TRIP12: variants seen among roughly 807,000 people sequenced by gnomAD.
The protein encoded by TRIP12 is thyroid hormone receptor interactor 12.
Under a neutral mutation model 244.2 loss-of-function variants are expected in TRIP12, and 25 were observed. The ratio of observed to expected loss-of-function variants is 0.10; its 90% CI spans 0.07 to 0.14. TRIP12 has a LOEUF of 0.14. TRIP12 is among the 10% of genes least tolerant of loss of function. The probability of loss-of-function intolerance (pLI) is 1.00; values close to 1 mark genes in which losing one functional copy is unlikely to be tolerated. For missense variants in TRIP12, 1,677 were observed against 2,486.4 expected (o/e 0.67, Z 6.92); for synonymous variants, 905 against 873.1 (o/e 1.04, Z -0.64).
At chr2:229,841,748 C>A (rs1214360830) in intron 4 of TRIP12, among the ~76,000 whole-genome samples, 3 of 152,134 alleles carry the variant, frequency 2.0e-5, no homozygotes, top group Non-Finnish European at 4.4e-5. Flanking sequence ...CAGCTGTTAA[C>A]TTTTTCAGAG....
chr2:229,825,840 A>T (rs756393464), intron 8 of TRIP12, among the ~76,000 whole-genome samples: 1 of 152,226 alleles, frequency 6.6e-6, no homozygotes, highest in Non-Finnish European at 1.5e-5. Flanking sequence ...ATCAAAAATT[A>T]CTAAGGTTAT....
At chr2:229,783,284 T>C (rs919925192) in intron 34 of TRIP12, among the ~76,000 whole-genome samples, 1 of 152,238 alleles carries the variant, frequency 6.6e-6, no homozygotes, top group African/African-American at 2.4e-5. Context: ...TCAGTGTCTA[T>C]TGCCACTTTC....
chr2:229,868,197 A>T (rs1370776498), intron 2 of TRIP12, among the ~76,000 whole-genome samples: 1 of 152,184 alleles, frequency 6.6e-6, no homozygotes, highest in Non-Finnish European at 1.5e-5. Context: ...TAGAATACTT[A>T]CTTTCATTCA....
chr2:229,876,698 C>T lies in TRIP12; in HGVS notation c.98+3284G>A, dbSNP rs368215401. On this transcript the variant is annotated intron_variant, in intron 2 of 41. Coordinates refer to ENST00000675903, the MANE Select transcript of TRIP12 (RefSeq NM_001348323.3). ...TTTTTGAGACAGGGTCTTTCTCTGT[C>T]GCCCAGGCTGGAATGCACTGGCGTG... 3.1e-4 allele frequency among the ~76,000 whole-genome samples: 47 copies of T among 152,298 alleles called. 1 individual carries two copies. The highest frequency in any genetic ancestry group is 1.0e-3 in the African/African-American group (42 of 41,566).
intron 39 of TRIP12, among the ~76,000 whole-genome samples, chr2:229,770,748 T>C (rs77227071): frequency 0.058 from 8,831 of 152,186 alleles, 850 homozygotes; most frequent in African/African-American, 0.2. Flanking sequence ...AACTGAATCA[T>C]GGGGGCAGGT....
chr2:229,778,837 T>G lies in TRIP12; in HGVS notation c.5209+39A>C, dbSNP rs372594235. ...AACTGTCAGAGTCCATTACCTGATC[T>G]GAGTAACACAAACCAACTAACTTAC... On this transcript the variant is annotated intron_variant, in intron 35 of 41. Coordinates refer to ENST00000675903, the MANE Select transcript of TRIP12 (RefSeq NM_001348323.3). This position sits in a 1 kb window ranked among gnomAD's most constrained non-coding sequence, Gnocchi z 4.1. 3.5e-5 allele frequency: 55 copies of G among 1,568,564 alleles called. 1 individual carries two copies. Among genetic ancestry groups the G allele is most frequent in the Non-Finnish European group, 4.6e-5 (52 of 1,139,544 alleles).
rs201067731 is a variant in TRIP12, at chr2:229,789,696, A to G, written c.4610T>C (p.Ile1537Thr). 54 of 1,614,088 alleles carry G rather than the reference A, an allele frequency of 3.3e-5. No individual in the cohort carries two copies. Among genetic ancestry groups the G allele is most frequent in the South Asian group, 2.3e-4 (21 of 91,080 alleles). The change falls in exon 31 of 42, where the codon ATA (isoleucine) becomes ACA (threonine). Residue 1537 changes from isoleucine (I) to threonine (T), a missense_variant. Physicochemically the swap from Ile to Thr is moderately conservative, Grantham distance 89. Coordinates refer to ENST00000675903, the MANE Select transcript of TRIP12 (RefSeq NM_001348323.3). ...VYLIPTPPENITFEDPSLDVI... is the reference protein window; with the variant it reads ...VYLIPTPPENTTFEDPSLDVI... Reference sequence around the variant, plus strand: ...ATCTAATGACGGGTCTTCAAATGTTATATTTTCAGGTGGTGTGGGAATGAG... The same window carrying G: ...ATCTAATGACGGGTCTTCAAATGTTGTATTTTCAGGTGGTGTGGGAATGAG...
chr2:229,778,583 G>A lies in TRIP12; in HGVS notation c.5214C>T (p.Ser1738=), dbSNP rs2037058095. Reference sequence around the variant, plus strand: ...TTTGAATATACTTGGTCCCTTCTTGGCTCCCTGAAAAACAAGCAATGCAGC... The same window carrying A: ...TTTGAATATACTTGGTCCCTTCTTGACTCCCTGAAAAACAAGCAATGCAGC... ...EEVTLSNPKG[S]QEGTKYIQNL... The change falls in exon 36 of 42, where the codon AGC becomes AGT. Residue 1738 remains serine, a synonymous_variant. Transcript: ENST00000675903. The surrounding 1 kb of genome is among the most constrained non-coding windows in gnomAD (Gnocchi z 4.1). 6.2e-7 allele frequency: 1 copy of A among 1,609,396 alleles called. No homozygotes were observed. The highest frequency in any genetic ancestry group is 1.1e-5 in the South Asian group (1 of 90,516).
At chr2:229,859,783 A>C (rs2060169869) in intron 3 of TRIP12, among the ~76,000 whole-genome samples, 1 of 152,260 alleles carries the variant, frequency 6.6e-6, no homozygotes. Context: ...TGATTAAAAG[A>C]TAAGGGTGTT....
chr2:229,787,824 G>A (rs895834189), intron 32 of TRIP12, among the ~76,000 whole-genome samples, 163 bp from the exon 33 acceptor site: 1 of 15,938 alleles, frequency 6.3e-5, no homozygotes, highest in Non-Finnish European at 8.5e-5. Context: ...ATTTTGAGAT[G>A]GAGTCCTTGC....
chr2:229,815,119 T>C lies in TRIP12; in HGVS notation c.1711A>G (p.Ile571Val). ...ATCACCTTTTCTAAAAAGACAGGAA[T>C]AGCATCTACTACAACAGCAGAAGAT... The part of the protein sequence containing the change: ...PRSSAVVVDA[I>V]PVFLEKLQVI... The change falls in exon 11 of 42, where the codon ATT becomes GTT. Residue 571 changes from isoleucine to valine, a missense_variant. Physicochemically the swap from Ile to Val is conservative, Grantham distance 29 (BLOSUM62 3). Transcript: ENST00000675903. 2.5e-6 allele frequency: 4 copies of C among 1,612,354 alleles called. No individual in the cohort carries two copies. Among genetic ancestry groups the C allele is most frequent in the Non-Finnish European group, 3.4e-6 (4 of 1,179,266 alleles).
intron 1 of TRIP12, among the ~76,000 whole-genome samples, chr2:229,919,650 C>T (rs975461241): frequency 4.6e-5 from 7 of 151,894 alleles, no homozygotes; most frequent in Non-Finnish European, 8.8e-5. Flanking sequence ...TTCATAGACT[C>T]AAACTAAGTA....
intron 1 of TRIP12, among the ~76,000 whole-genome samples, chr2:229,914,136 T>C (rs1054836871): frequency 2.0e-5 from 3 of 151,742 alleles, no homozygotes; most frequent in African/African-American, 7.3e-5. Flanking sequence ...GAGGTGGAGG[T>C]GGAGGCTGCA....
chr2:229,834,365 T>C lies in TRIP12; in HGVS notation c.1270+2483A>G, dbSNP rs138924338. 4.3e-3 allele frequency among the ~76,000 whole-genome samples: 651 copies of C among 152,324 alleles called. 4 individuals are homozygous for C. Among genetic ancestry groups the C allele is most frequent in the African/African-American group, 0.015 (612 of 41,570 alleles). ...TGAAGCTGACATTATTTTACAAGCATAAAGAAAAATAGTTCATTCCTTACT... is the reference window on the plus strand; with the variant it reads ...TGAAGCTGACATTATTTTACAAGCACAAAGAAAAATAGTTCATTCCTTACT... On this transcript the variant is annotated intron_variant, in intron 6 of 41. Coordinates refer to ENST00000675903, the MANE Select transcript of TRIP12 (RefSeq NM_001348323.3).
chr2:229,882,029 A>G (rs1295751859), intron 1 of TRIP12, among the ~76,000 whole-genome samples: 1 of 152,214 alleles, frequency 6.6e-6, no homozygotes, highest in Non-Finnish European at 1.5e-5. Context: ...CCCAAGTTCA[A>G]TTCTGGACTC....
At chr2:229,815,225 A>G in intron 10 of TRIP12, 31 bp from the exon 11 acceptor site, 1 of 1,583,062 alleles carries the variant, frequency 6.3e-7, no homozygotes, top group Non-Finnish European at 8.6e-7. Context: ...ATGAGTAAAA[A>G]CTCAAAACTT....
At chr2:229,883,464 G>A (rs918557261) in intron 1 of TRIP12, among the ~76,000 whole-genome samples, 1 of 152,162 alleles carries the variant, frequency 6.6e-6, no homozygotes, top group Admixed American at 6.5e-5. Flanking sequence ...TTCATAGCCG[G>A]TAGTGAATAT....
intron 4 of TRIP12, among the ~76,000 whole-genome samples, chr2:229,843,573 C>T (rs1032910157): frequency 6.6e-6 from 1 of 151,872 alleles, no homozygotes; most frequent in African/African-American, 2.4e-5. Flanking sequence ...GAAAACCAAA[C>T]CAAAACAACA....
intron 34 of TRIP12, among the ~76,000 whole-genome samples, chr2:229,781,814 CAA>C (rs1380802077): frequency 2.0e-5 from 3 of 152,182 alleles, no homozygotes; most frequent in African/African-American, 7.2e-5. Flanking sequence ...ATGCATCTCA[CAA>C]AGTCAGTGCT....
Sources: gnomAD v4.1 joint callset for allele counts (sites outside exome capture counted in the v4.1 genomes callset) on GRCh38, gnomAD v4.1.1 for gene constraint, Gnocchi (gnomAD v3.1) non-coding constraint, MANE v1.5 for transcripts, NCBI Gene and HGNC (gene_info 2026-07-23, HGNC 2026-07-21) for gene names.